The following DGKG variants were observed in gnomAD, a reference collection of about 807,000 sequenced individuals.
The protein encoded by DGKG is DAG kinase gamma.
Under a neutral mutation model 105.3 loss-of-function variants are expected in DGKG, and 78 were observed. That is an observed-to-expected ratio of 0.74 (90% CI 0.62 to 0.89). DGKG has a LOEUF of 0.89. Among genes scored for constraint, DGKG ranks in the 40% least tolerant of loss-of-function variants. The pLI, the probability that DGKG is intolerant of heterozygous loss-of-function variation, is 0.00. For missense variants in DGKG, 958 were observed against 1,020.1 expected (o/e 0.94, Z 0.83); for synonymous variants, 346 against 367.1 (o/e 0.94, Z 0.66).
At chr3:186,215,224 A>C (rs906884091) in intron 20 of DGKG, among the ~76,000 whole-genome samples, 1 of 152,160 alleles carries the variant, frequency 6.6e-6, no homozygotes, top group African/African-American at 2.4e-5. Flanking sequence ...CCGCCTGGCC[A>C]ACATGGTGAA....
chr3:186,204,616 T>G (rs928371738), intron 21 of DGKG, among the ~76,000 whole-genome samples: 10 of 152,118 alleles, frequency 6.6e-5, no homozygotes, highest in Non-Finnish European at 1.2e-4. Context: ...TTAAATTAAA[T>G]TTTTTAAAAT....
intron 6 of DGKG, among the ~76,000 whole-genome samples, chr3:186,285,810 G>C (rs1012101605): frequency 2.0e-5 from 3 of 151,740 alleles, no homozygotes; most frequent in Non-Finnish European, 4.4e-5. Flanking sequence ...CTCCTGAGTC[G>C]CTGGGATTAC....
At position 186,314,173 on chromosome 3, in the gene DGKG, GCACACACACACACACACACACA is replaced by G. The variant is rs3221277; in HGVS notation, c.67+6198_67+6219del. ...TAATTTAATTGACATATACATATCT[GCACACACACACACACACACACA>G]CACACACACACACACACACACACAC... On this transcript the variant is annotated intron_variant, in intron 2 of 24. Transcript: ENST00000265022. Among the ~76,000 whole-genome samples, 1,088 of 139,574 alleles carry G rather than the reference GCACACACACACACACACACACA, an allele frequency of 7.8e-3. 13 individuals carry two copies. The highest frequency in any genetic ancestry group is 0.016 in the African/African-American group (594 of 38,068). 91.6% of individuals were successfully genotyped at this position (139,574 alleles called of 152,430 possible).
chr3:186,354,765 A>G (rs1726825931), intron 1 of DGKG, among the ~76,000 whole-genome samples: 1 of 152,190 alleles, frequency 6.6e-6, no homozygotes, highest in African/African-American at 2.4e-5. Context: ...ATAAAGCCTT[A>G]AGCTTCTTCA....
Position 186,148,636 on chromosome 3 carries a change from G to A in DGKG, c.*1454C>T. The A allele has an allele frequency of 4.1e-6, 4 of 985,336 alleles. No individual in the cohort carries two copies. The highest frequency in any genetic ancestry group is 4.8e-6 in the Non-Finnish European group (4 of 829,904). The allele number at this position is 985,336 out of a possible 1,614,324, so 61.0% of individuals were successfully genotyped here. On this transcript the variant is annotated 3_prime_UTR_variant, in exon 25 of 25. Coordinates refer to ENST00000265022, the MANE Select transcript of DGKG (RefSeq NM_001346.3). ...TTGTAACGGCACCTACTCTCAAGCT[G>A]CATTAGCCAAGACACCATGGAAAAG...
chr3:186,193,848 C>A (rs1295281150), intron 21 of DGKG, among the ~76,000 whole-genome samples: 1 of 152,254 alleles, frequency 6.6e-6, no homozygotes, highest in Non-Finnish European at 1.5e-5. Flanking sequence ...CCCGCGCGCA[C>A]CGTGGGCCAT....
chr3:186,202,755 A>T (rs1268635378), intron 21 of DGKG, among the ~76,000 whole-genome samples: 8 of 152,242 alleles, frequency 5.3e-5, no homozygotes, highest in Admixed American at 4.6e-4. Flanking sequence ...CTGACCCAAC[A>T]TGCTGAATCA....
intron 2 of DGKG, among the ~76,000 whole-genome samples, chr3:186,307,544 C>T (rs143141726): frequency 1.1e-4 from 17 of 152,324 alleles, no homozygotes; most frequent in African/African-American, 3.8e-4. Flanking sequence ...GACTTGTACA[C>T]AACTATGTAA....
intron 1 of DGKG, among the ~76,000 whole-genome samples, chr3:186,322,671 A>G (rs1725135020): frequency 6.6e-6 from 1 of 152,088 alleles, no homozygotes; most frequent in African/African-American, 2.4e-5. Flanking sequence ...ATCCACCTCC[A>G]AGCTTTAATG....
intron 24 of DGKG, chr3:186,160,161 A>G (rs1716227377): frequency 1.0e-6 from 1 of 984,642 alleles, no homozygotes; most frequent in South Asian, 4.7e-5. Context: ...TTGGTTCACA[A>G]ATTTTTTCAT....
At chr3:186,200,894 G>A (rs1310268957) in intron 21 of DGKG, among the ~76,000 whole-genome samples, 2 of 152,248 alleles carry the variant, frequency 1.3e-5, no homozygotes, top group African/African-American at 4.8e-5. Flanking sequence ...CTCTGTTGCT[G>A]TGCCAGGCGG....
At chr3:186,311,126 C>G (rs1724521718) in intron 2 of DGKG, among the ~76,000 whole-genome samples, 1 of 152,118 alleles carries the variant, frequency 6.6e-6, no homozygotes, top group African/African-American at 2.4e-5. Flanking sequence ...ACACTGTAAC[C>G]CAGGTCTTAC....
intron 20 of DGKG, among the ~76,000 whole-genome samples, chr3:186,238,209 T>G (rs558957694): frequency 7.2e-6 from 1 of 139,684 alleles, no homozygotes; most frequent in African/African-American, 2.7e-5. Context: ...TGTAGGAAAA[T>G]CACCTGAACC....
chr3:186,279,220 A>T (rs923147264), intron 9 of DGKG: 5 of 152,240 alleles, frequency 3.3e-5, no homozygotes, highest in African/African-American at 9.6e-5. Flanking sequence ...GGACAAGTCA[A>T]CACCTTCCAA....
chr3:186,240,744 A>C (rs923678444), intron 20 of DGKG, among the ~76,000 whole-genome samples: 1 of 151,578 alleles, frequency 6.6e-6, no homozygotes, highest in Non-Finnish European at 1.5e-5. Flanking sequence ...CAGGAGGTGG[A>C]AGTTGCAGTG....
chr3:186,243,733 T>C (rs1720795988), intron 19 of DGKG, among the ~76,000 whole-genome samples: 1 of 151,602 alleles, frequency 6.6e-6, no homozygotes, highest in African/African-American at 2.4e-5. Flanking sequence ...AGATGGGGGG[T>C]GACACAGAAA....
At chr3:186,359,167 T>C (rs774574068) in intron 1 of DGKG, among the ~76,000 whole-genome samples, 1 of 152,052 alleles carries the variant, frequency 6.6e-6, no homozygotes, top group Non-Finnish European at 1.5e-5. Flanking sequence ...TATGGCCGAG[T>C]TGTTTCTGGT....
intron 20 of DGKG, among the ~76,000 whole-genome samples, chr3:186,234,607 A>G (rs1720324451): frequency 6.6e-6 from 1 of 152,208 alleles, no homozygotes; most frequent in Admixed American, 6.5e-5. Context: ...GTTGACATGA[A>G]TAAGACCTTT....
chr3:186,350,804 G>A (rs1333688674), intron 1 of DGKG, among the ~76,000 whole-genome samples: 1 of 152,212 alleles, frequency 6.6e-6, no homozygotes. Context: ...TAATGGGTAT[G>A]AAGTGGCATC....
Sources: allele counts gnomAD v4.1 joint callset (sites outside exome capture counted in the v4.1 genomes callset), GRCh38; gene constraint gnomAD v4.1.1; transcripts MANE v1.5; gene names NCBI Gene and HGNC (gene_info 2026-07-23, HGNC 2026-07-21).